USH2A: variants seen among roughly 807,000 people sequenced by gnomAD.
USH2A encodes usherin, also known as Usher syndrome 2A (autosomal recessive, mild).
Under a neutral mutation model 538.9 loss-of-function variants are expected in USH2A, and 443 were observed. The ratio of observed to expected loss-of-function variants is 0.82; its 90% confidence interval spans 0.76 to 0.89. The LOEUF is 0.89. Among genes scored for constraint, USH2A ranks in the 40% least tolerant of loss-of-function variants. The pLI, the probability that USH2A is intolerant of heterozygous loss-of-function variation, is 0.00. For synonymous variants in USH2A, 2,413 were observed against 2,273.5 expected (o/e 1.06, Z -1.75); for missense variants, 6,633 against 6,324.8 (o/e 1.05, Z -1.65).
chr1:216,368,579 A>G (rs1240229895), intron 3 of USH2A, among the ~76,000 whole-genome samples: 1 of 152,226 alleles, frequency 6.6e-6, no homozygotes, highest in Non-Finnish European at 1.5e-5. Context: ...CAGTGGCCCT[A>G]TGAGCTACAC....
chr1:216,238,181 C>A (rs1435233577), intron 13 of USH2A, among the ~76,000 whole-genome samples: 1 of 152,164 alleles, frequency 6.6e-6, no homozygotes, highest in Admixed American at 6.5e-5. Context: ...TAGGGGGAAG[C>A]AGGAGGCACT....
intron 49 of USH2A, among the ~76,000 whole-genome samples, chr1:215,809,055 T>G (rs993966697): frequency 1.3e-5 from 2 of 152,106 alleles, no homozygotes; most frequent in African/African-American, 4.8e-5. Flanking sequence ...TAGTAAAAGT[T>G]TCCATGATGA....
intron 32 of USH2A, among the ~76,000 whole-genome samples, chr1:216,023,719 A>T (rs115009423): frequency 0.014 from 2,063 of 152,144 alleles, 48 homozygotes; most frequent in African/African-American, 0.047. Context: ...TTTAGATACA[A>T]GTCATTTAAA....
At chr1:216,143,714 C>T (rs533803206) in intron 21 of USH2A, among the ~76,000 whole-genome samples, 1 of 152,254 alleles carries the variant, frequency 6.6e-6, no homozygotes, top group East Asian at 1.9e-4. Flanking sequence ...AAACCAGAAA[C>T]ATGAACCATG....
At chr1:216,162,860 T>C (rs2034086575) in intron 21 of USH2A, among the ~76,000 whole-genome samples, 1 of 152,036 alleles carries the variant, frequency 6.6e-6, no homozygotes, top group East Asian at 1.9e-4. Flanking sequence ...TCTACTATGT[T>C]TCTCATAGGA....
At chr1:216,055,962 C>T (rs2030962191) in intron 30 of USH2A, among the ~76,000 whole-genome samples, 1 of 152,176 alleles carries the variant, frequency 6.6e-6, no homozygotes, top group Non-Finnish European at 1.5e-5. Context: ...AAAGACTATG[C>T]AGATGTTGAT....
At chr1:215,923,568 C>T (rs1272448238) in intron 38 of USH2A, among the ~76,000 whole-genome samples, 2 of 152,054 alleles carry the variant, frequency 1.3e-5, no homozygotes, top group Non-Finnish European at 2.9e-5. Context: ...TAGGAGAATA[C>T]AGTGTCCTCA....
At chr1:216,200,216 T>C (rs1350921767) in intron 16 of USH2A, 95 bp from the exon 17 acceptor site, 1 of 1,269,110 alleles carries the variant, frequency 7.9e-7, no homozygotes, top group Non-Finnish European at 1.1e-6. Flanking sequence ...TTTAATTACA[T>C]AAACTATACC....
intron 21 of USH2A, among the ~76,000 whole-genome samples, chr1:216,156,517 T>G (rs940019536): frequency 1.3e-5 from 2 of 151,940 alleles, no homozygotes; most frequent in Admixed American, 6.6e-5. Context: ...TTGATGGACA[T>G]TTACAAAATA....
At chr1:215,781,704 C>A (rs557326013) in intron 54 of USH2A, among the ~76,000 whole-genome samples, 1 of 152,184 alleles carries the variant, frequency 6.6e-6, no homozygotes, top group African/African-American at 2.4e-5. Flanking sequence ...TAGAAACTTT[C>A]TTTAACTGAA....
chr1:216,368,045 C>T (rs1447315842), intron 3 of USH2A, among the ~76,000 whole-genome samples: 1 of 152,134 alleles, frequency 6.6e-6, no homozygotes, highest in African/African-American at 2.4e-5. Flanking sequence ...TTTAAATCCC[C>T]TTCATAAGAG....
chr1:215,902,439 A>T (rs1184323120), intron 38 of USH2A, among the ~76,000 whole-genome samples: 1 of 152,154 alleles, frequency 6.6e-6, no homozygotes, highest in Non-Finnish European at 1.5e-5. Flanking sequence ...ACTCTGTGCT[A>T]AGCAGTACTC....
chr1:215,732,667 G>A (rs1478400426), intron 60 of USH2A, among the ~76,000 whole-genome samples: 6 of 143,406 alleles, frequency 4.2e-5, no homozygotes, highest in African/African-American at 7.9e-5. Flanking sequence ...TCAGCCTCCC[G>A]AGTGGCTGGG....
chr1:215,856,817 T>C (rs1245581338), intron 44 of USH2A, among the ~76,000 whole-genome samples: 1 of 148,752 alleles, frequency 6.7e-6, no homozygotes, highest in African/African-American at 2.5e-5. Flanking sequence ...AATCAATGAG[T>C]GGATAAAAAA....
intron 21 of USH2A, among the ~76,000 whole-genome samples, chr1:216,169,636 C>A (rs1295947367): frequency 1.3e-5 from 2 of 152,140 alleles, no homozygotes; most frequent in Admixed American, 6.6e-5. Flanking sequence ...CATTTTGATC[C>A]TTGTCCTCAG....
intron 30 of USH2A, among the ~76,000 whole-genome samples, chr1:216,050,911 C>G (rs371318354): frequency 6.6e-6 from 1 of 151,898 alleles, no homozygotes; most frequent in African/African-American, 2.4e-5. Context: ...GGCCGGCCGA[C>G]GCTTTGTATC....
At chr1:215,969,117 A>G (rs1435186846) in intron 36 of USH2A, among the ~76,000 whole-genome samples, 2 of 152,174 alleles carry the variant, frequency 1.3e-5, no homozygotes, top group East Asian at 1.9e-4. Context: ...ACTTCTTGGT[A>G]GCATATAGTT....
chr1:216,263,237 A>G (rs990234467), intron 11 of USH2A, among the ~76,000 whole-genome samples: 9 of 152,168 alleles, frequency 5.9e-5, no homozygotes, highest in African/African-American at 2.2e-4. Context: ...AACTATTCCA[A>G]AAAATTGAAG....
intron 32 of USH2A, among the ~76,000 whole-genome samples, chr1:216,046,050 T>TGTGC (rs1206324790): frequency 2.1e-5 from 3 of 144,418 alleles, no homozygotes; most frequent in African/African-American, 5.3e-5. Flanking sequence ...TGTGTGTGTG[T>TGTGC]GCAGTCACTC....
Sources: gnomAD v4.1 joint callset for allele counts (sites outside exome capture counted in the v4.1 genomes callset) on GRCh38, gnomAD v4.1.1 for gene constraint, MANE v1.5 for transcripts, NCBI Gene and HGNC (gene_info 2026-07-23, HGNC 2026-07-21) for gene names.